Variants in C1orf198 observed in about 807,000 individuals in gnomAD.
C1orf198 encodes chromosome 1 open reading frame 198.
A neutral mutation model predicts 31.4 loss-of-function variants in C1orf198; 17 were observed. The observed-to-expected ratio is 0.54, with a 90% CI of 0.37 to 0.81. The LOEUF (loss-of-function observed/expected upper bound fraction) is 0.81. Among genes scored for constraint, C1orf198 ranks in the 40% least tolerant of loss-of-function variants. The pLI is 0.00. For synonymous variants in C1orf198, 175 were observed against 193.8 expected (o/e 0.90, Z 0.81); for missense variants, 401 against 450.3 (o/e 0.89, Z 0.99).
At chr1:230,864,367 G>A (rs2102993209) in intron 1 of C1orf198, among the ~76,000 whole-genome samples, 1 of 152,250 alleles carries the variant, frequency 6.6e-6, no homozygotes, top group Admixed American at 6.5e-5. Context: ...GCCGCCTCTA[G>A]CCTAAGGACT....
At chr1:230,861,350 G>T (rs1234302856) in intron 1 of C1orf198, among the ~76,000 whole-genome samples, 2 of 152,114 alleles carry the variant, frequency 1.3e-5, no homozygotes, top group Non-Finnish European at 2.9e-5. Context: ...GCTCAATTTT[G>T]CTGGAACCTA....
intron 1 of C1orf198, among the ~76,000 whole-genome samples, chr1:230,864,991 G>A (rs191873868): frequency 3.4e-4 from 52 of 152,322 alleles, no homozygotes; most frequent in Non-Finnish European, 6.5e-4. Flanking sequence ...GCTGGAGGAA[G>A]AACGTGGCAA....
chr1:230,866,198 C>A (rs1411841513), intron 1 of C1orf198, among the ~76,000 whole-genome samples: 1 of 152,222 alleles, frequency 6.6e-6, no homozygotes, highest in Non-Finnish European at 1.5e-5. Flanking sequence ...ACCTCTGGCG[C>A]AGTCCAGGGG....
At chr1:230,868,572 C>A, upstream of C1orf198, 1 of 1,127,150 alleles carries the variant, frequency 8.9e-7, no homozygotes, top group Non-Finnish European at 1.1e-6. Flanking sequence ...CGCCCTCGCC[C>A]CGCCCCGCGC....
rs1426700392 is a variant in C1orf198 at position 230,839,328 on chromosome 1, A to C, written c.*524T>G. The C allele has an allele frequency of 6.3e-6, 1 of 159,136 alleles. No homozygotes were observed. The highest frequency in any genetic ancestry group is 2.4e-5 in the African/African-American group (1 of 41,474). 9.9% of individuals were successfully genotyped at this position (159,136 alleles called of 1,614,324 possible). ...TGAGAGACATGGCTTCTGCCAGAGA[A>C]GCCCCGGACAGCTGCGAGCGCTGGC... On this transcript the variant is annotated 3_prime_UTR_variant, in exon 4 of 4. Coordinates refer to ENST00000366663, the MANE Select transcript of C1orf198 (RefSeq NM_032800.3).
chr1:230,843,521 G>C lies in C1orf198; in HGVS notation c.760C>G (p.Pro254Ala), dbSNP rs146784804. 1.2e-6 allele frequency: 2 copies of C among 1,612,262 alleles called. No individual in the cohort carries two copies. Among genetic ancestry groups the C allele is most frequent in the Non-Finnish European group, 1.7e-6 (2 of 1,178,762 alleles). The change falls in exon 3 of 4, where the codon CCT (proline) becomes GCT (alanine). Residue 254 changes from proline (P) to alanine (A), a missense_variant. Transcript: ENST00000366663. The surrounding 1 kb of genome is among the most constrained non-coding windows in gnomAD (Gnocchi z 4.9). ...RPSTLRQEQR[P>A]LPNVSTERER... The stretch of plus-strand genomic sequence containing the variant: ...CGTTCGGTGCTCACGTTGGGAAGAG[G>C]ACGCTGCTCCTGACGGAGGGTGCTG...
intron 2 of C1orf198, among the ~76,000 whole-genome samples, chr1:230,845,216 T>TAAAAAAAA (rs11355270): frequency 4.3e-5 from 5 of 117,080 alleles, no homozygotes; most frequent in Non-Finnish European, 8.5e-5. Context: ...TTAAAAAAAT[T>TAAAAAAAA]AAAAAAAAAA....
intron 1 of C1orf198, among the ~76,000 whole-genome samples, chr1:230,864,695 C>T (rs887712358): frequency 6.6e-6 from 1 of 152,156 alleles, no homozygotes; most frequent in African/African-American, 2.4e-5. Flanking sequence ...GCGAACAAGA[C>T]GCACCAGCTG....
At chr1:230,852,888 C>T (rs1669780132) in intron 2 of C1orf198, among the ~76,000 whole-genome samples, 1 of 152,148 alleles carries the variant, frequency 6.6e-6, no homozygotes, top group Admixed American at 6.5e-5. Flanking sequence ...CCAGCTTGTG[C>T]CTTGATTTGA....
Position 230,843,116 on chromosome 1 carries a change from C to G in C1orf198, c.927+238G>C, listed in dbSNP as rs578216189. Among the ~76,000 whole-genome samples the G allele has an allele frequency of 2.0e-5, 3 of 152,362 alleles. No homozygotes were observed. In the South Asian group the frequency reaches 6.2e-4, roughly 32 times the overall value. Reference sequence around the variant, plus strand: ...GCACTGGGGAAAGCGCAGTGGGCCACGGAACCCTGACTGGTAAACAAATTA... The same window carrying G: ...GCACTGGGGAAAGCGCAGTGGGCCAGGGAACCCTGACTGGTAAACAAATTA... On this transcript the variant is annotated intron_variant, in intron 3 of 3. Transcript: ENST00000366663. The surrounding 1 kb of genome is among the most constrained non-coding windows in gnomAD (Gnocchi z 4.9).
intron 1 of C1orf198, among the ~76,000 whole-genome samples, chr1:230,861,762 C>T (rs527837767): frequency 6.6e-6 from 1 of 152,280 alleles, no homozygotes; most frequent in African/African-American, 2.4e-5. Context: ...TGGGGGCTCC[C>T]TTAGGGCCTC....
In C1orf198 at chr1:230,839,348, G is replaced by A. The variant is rs767451360; in HGVS notation, c.*504C>T. ...AGAGAAGCCCCGGACAGCTGCGAGCGCTGGCTGAGAACGTCGCTGGGGGCC... is the reference window on the plus strand; with the variant it reads ...AGAGAAGCCCCGGACAGCTGCGAGCACTGGCTGAGAACGTCGCTGGGGGCC... On this transcript the variant is annotated 3_prime_UTR_variant, in exon 4 of 4. Transcript: ENST00000366663. 4 of 162,402 alleles carry A rather than the reference G, an allele frequency of 2.5e-5. No homozygotes were observed. The highest frequency in any genetic ancestry group is 1.8e-4 in the South Asian group (1 of 5,488). The allele number at this position is 162,402 out of a possible 1,614,324, so 10.1% of individuals were successfully genotyped here. A position where few individuals can be genotyped will look rare whatever the true frequency, so the allele number is the denominator to read the frequency against.
intron 3 of C1orf198, among the ~76,000 whole-genome samples, chr1:230,841,078 G>A (rs1669426430): frequency 6.6e-6 from 1 of 152,348 alleles, no homozygotes; most frequent in South Asian, 2.1e-4. Context: ...TTCTTTCAGA[G>A]GAAGCCCTCA....
chr1:230,858,143 G>A (rs1033595360), intron 1 of C1orf198, among the ~76,000 whole-genome samples: 21 of 152,220 alleles, frequency 1.4e-4, no homozygotes, highest in South Asian at 8.3e-4. Flanking sequence ...GTGATTAGAT[G>A]TCTCCTAGCA....
chr1:230,841,553 C>T (rs554883637), intron 3 of C1orf198, among the ~76,000 whole-genome samples: 7 of 152,328 alleles, frequency 4.6e-5, no homozygotes, highest in Non-Finnish European at 7.3e-5. Flanking sequence ...ACATCATTCA[C>T]GATCATGGAC....
chr1:230,843,302 C>T lies in C1orf198; in HGVS notation c.927+52G>A, dbSNP rs1297644025. The T allele has an allele frequency of 1.8e-5, 28 of 1,533,496 alleles. No homozygotes were observed. The highest frequency in any genetic ancestry group is 5.5e-5 in the African/African-American group (4 of 72,440). 95.0% of individuals were successfully genotyped at this position (1,533,496 alleles called of 1,614,324 possible). A position where few individuals can be genotyped will look rare whatever the true frequency, so the allele number is the denominator to read the frequency against. Reference sequence around the variant, plus strand: ...CTTTGTGGGGGACCCTCTCGGTTCCCGTGGAATAAGGCACCATCCCATCTG... The same window carrying T: ...CTTTGTGGGGGACCCTCTCGGTTCCTGTGGAATAAGGCACCATCCCATCTG... On this transcript the variant is annotated intron_variant, in intron 3 of 3. Transcript: ENST00000366663. The surrounding 1 kb of genome is among the most constrained non-coding windows in gnomAD (Gnocchi z 4.9).
chr1:230,842,530 G>A (rs906801859), intron 3 of C1orf198, among the ~76,000 whole-genome samples: 2 of 152,178 alleles, frequency 1.3e-5, no homozygotes, highest in Non-Finnish European at 2.9e-5. Flanking sequence ...TCATAAGTGG[G>A]AGCTAAGCTA....
chr1:230,844,907 A>G (rs1349044297), intron 2 of C1orf198, among the ~76,000 whole-genome samples: 2 of 152,194 alleles, frequency 1.3e-5, no homozygotes, highest in Admixed American at 6.5e-5. Flanking sequence ...TTTGACCAAC[A>G]AAATCATTAC....
At chr1:230,849,834 A>C (rs899956321) in intron 2 of C1orf198, among the ~76,000 whole-genome samples, 3 of 152,010 alleles carry the variant, frequency 2.0e-5, no homozygotes, top group Non-Finnish European at 4.4e-5. Flanking sequence ...TATTCTTCCC[A>C]CCTCCCCTCC....
Sources: allele counts gnomAD v4.1 joint callset (sites outside exome capture counted in the v4.1 genomes callset), GRCh38; gene constraint gnomAD v4.1.1; non-coding constraint Gnocchi (gnomAD v3.1); transcripts MANE v1.5; gene names NCBI Gene and HGNC (gene_info 2026-07-23, HGNC 2026-07-21).